The following ZSCAN1 variants were observed in gnomAD, a reference collection of about 807,000 sequenced individuals.
The protein encoded by ZSCAN1 is zinc finger and SCAN domain containing 1, also known as zinc finger and SCAN domain-containing protein 1.
In ZSCAN1, 23 loss-of-function variants were observed where a neutral mutation model predicts 23.8. The observed-to-expected ratio is 0.97, with a 90% CI of 0.70 to 1.37. The LOEUF is 1.37. Among genes scored for constraint, ZSCAN1 ranks in the 40% most tolerant of loss-of-function variants. ZSCAN1 has a pLI of 0.00. For missense variants in ZSCAN1, 575 were observed against 554.0 expected (o/e 1.04, Z -0.38); for synonymous variants, 236 against 232.3 (o/e 1.02, Z -0.15).
chr19:58,046,222 A>G (rs1017983880), intron 4 of ZSCAN1: 2 of 770,262 alleles, frequency 2.6e-6, no homozygotes, highest in African/African-American at 3.4e-5. Context: ...TGCCTGCTCT[A>G]AGCTGCAGGA....
chr19:58,046,305 G>A, intron 4 of ZSCAN1: 1 of 841,180 alleles, frequency 1.2e-6, no homozygotes, highest in Non-Finnish European at 2.1e-6. Flanking sequence ...ACTACAGCGA[G>A]GACTTGCAGG....
At position 58,038,082 on chromosome 19, in the gene ZSCAN1, G is replaced by T; in HGVS notation, c.246G>T (p.Val82=). The T allele has an allele frequency of 1.2e-6, 2 of 1,611,660 alleles. No individual in the cohort carries two copies. The highest frequency in any genetic ancestry group is 1.7e-6 in the Non-Finnish European group (2 of 1,179,834). The part of the protein sequence containing the change: ...RSKEQMLELL[V]LEQFLGALPS... ...AGGAGCAGATGCTGGAGCTGCTGGT[G>T]CTGGAGCAGTTCCTGGGCGCGCTGC... The change falls in exon 3 of 6, where the codon GTG becomes GTT. Residue 82 remains valine, a synonymous_variant. Transcript: ENST00000282326.
rs1599901376 is a variant in ZSCAN1, at chr19:58,040,319, C to A, written c.371-131C>A. ...ATGGAGGGACAGAATGACAGCCCTG[C>A]AGCCACTCTTGCCTGCGCCTCAGGG... On this transcript the variant is annotated intron_variant, in intron 3 of 5. Transcript: ENST00000282326. This position sits in a 1 kb window ranked among gnomAD's most constrained non-coding sequence, Gnocchi z 5.8. The A allele has an allele frequency of 1.1e-6, 1 of 907,568 alleles. No individual in the cohort carries two copies. The highest frequency in any genetic ancestry group is 1.7e-6 in the Non-Finnish European group (1 of 577,570). 56.2% of individuals were successfully genotyped at this position (907,568 alleles called of 1,614,324 possible). A position where few individuals can be genotyped will look rare whatever the true frequency, so the allele number is the denominator to read the frequency against.
At chr19:58,050,961 G>A (rs1434265597) in intron 4 of ZSCAN1, among the ~76,000 whole-genome samples, 1 of 152,170 alleles carries the variant, frequency 6.6e-6, no homozygotes, top group Non-Finnish European at 1.5e-5. Flanking sequence ...GGAAGGATAA[G>A]AACCCAGATC....
chr19:58,053,508 G>T lies in ZSCAN1; in HGVS notation c.684G>T (p.Leu228=). Residue 228 remains leucine, a synonymous_variant, in exon 6 of 6, where the codon CTG becomes CTT. Transcript: ENST00000282326. This position sits in a 1 kb window ranked among gnomAD's most constrained non-coding sequence, Gnocchi z 5.8. The stretch of plus-strand genomic sequence containing the variant: ...TTCTCGCAGGGCCCTCCTCAGACCT[G>T]CGGGCAGAAGGGACTGTGATCTCGA... ...EDLLAGPSSD[L]RAEGTVISSP... is the part of the protein sequence containing the mutation. The T allele has an allele frequency of 1.2e-6, 2 of 1,614,140 alleles. No homozygotes were observed. Among genetic ancestry groups the T allele is most frequent in the Non-Finnish European group, 1.7e-6 (2 of 1,180,034 alleles).
intron 4 of ZSCAN1, chr19:58,046,490 TG>T: frequency 3.4e-6 from 3 of 881,982 alleles, no homozygotes; most frequent in Non-Finnish European, 5.9e-6. Flanking sequence ...GGCGTGCCCA[TG>T]GGGGAGAACG....
At position 58,052,541 on chromosome 19, in the gene ZSCAN1, G is replaced by A; in HGVS notation, c.517G>A (p.Glu173Lys). The A allele has an allele frequency of 6.2e-7, 1 of 1,614,050 alleles. No individual in the cohort carries two copies. Among genetic ancestry groups the A allele is most frequent in the Non-Finnish European group, 8.5e-7 (1 of 1,180,014 alleles). Reference protein sequence around the residue: ...AVAAAPALPEESEWLETTQLQ... With the variant: ...AVAAAPALPEKSEWLETTQLQ... Reference sequence around the variant, plus strand: ...GGCAGCAGCCCCAGCACTCCCCGAGGAAAGTGAGTGGCTGGAGACTACCCA... The same window carrying A: ...GGCAGCAGCCCCAGCACTCCCCGAGAAAAGTGAGTGGCTGGAGACTACCCA... The change falls in exon 5 of 6, where the codon GAA (glutamate) becomes AAA (lysine). Residue 173 changes from glutamate to lysine, a missense_variant. By Grantham distance (56) the Glu-to-Lys change is moderately conservative. Transcript: ENST00000282326.
At chr19:58,046,939 T>C (rs2073830252) in intron 4 of ZSCAN1, among the ~76,000 whole-genome samples, 1 of 152,234 alleles carries the variant, frequency 6.6e-6, no homozygotes, top group East Asian at 1.9e-4. Context: ...AGCTTCAATC[T>C]GTCTGGAGTC....
chr19:58,034,869 G>A (rs1186526060), intron 1 of ZSCAN1, among the ~76,000 whole-genome samples: 1 of 151,066 alleles, frequency 6.6e-6, no homozygotes, highest in African/African-American at 2.4e-5. Flanking sequence ...CCTCCGTGTG[G>A]CATCCTAAGC....
rs148315261 is a variant in ZSCAN1 at position 58,050,766 on chromosome 19, G to A, written c.466-1724G>A. On this transcript the variant is annotated intron_variant, in intron 4 of 5. Coordinates refer to ENST00000282326, the MANE Select transcript of ZSCAN1 (RefSeq NM_182572.4). ...GATATCCTGACCTCTTCATCCTCCC[G>A]CTTCTGCCTCCCAAAGTGCTGGGAT... is the stretch of plus-strand genomic sequence containing the variant. Among the ~76,000 whole-genome samples, 850 of 152,142 alleles carry A rather than the reference G, an allele frequency of 5.6e-3. 11 individuals are homozygous for A. Among genetic ancestry groups the A allele is most frequent in the African/African-American group, 0.02 (816 of 41,536 alleles).
chr19:58,050,719 C>T (rs968046966), intron 4 of ZSCAN1, among the ~76,000 whole-genome samples: 1 of 152,036 alleles, frequency 6.6e-6, no homozygotes. Context: ...TGGGGTTTCA[C>T]CATGTTGGCC....
chr19:58,045,216 C>T lies in ZSCAN1; in HGVS notation c.465+4672C>T. ...CTGTGCCGACCTCTTCCGCCTGGTG[C>T]CGTTCCTCCTGTTCGTGGTGGTGCC... On this transcript the variant is annotated intron_variant, in intron 4 of 5. Transcript: ENST00000282326. This position sits in a 1 kb window ranked among gnomAD's most constrained non-coding sequence, Gnocchi z 4.3. 1 of 839,476 alleles carries T rather than the reference C, an allele frequency of 1.2e-6. No individual in the cohort carries two copies. Among genetic ancestry groups the T allele is most frequent in the Non-Finnish European group, 2.1e-6 (1 of 474,196 alleles). The allele number at this position is 839,476 out of a possible 1,614,324, so 52.0% of individuals were successfully genotyped here.
chr19:58,055,989 G>A (rs1005473000), downstream of ZSCAN1, among the ~76,000 whole-genome samples: 1 of 152,152 alleles, frequency 6.6e-6, no homozygotes. Context: ...CCCCTCAGAG[G>A]GACCACCACC....
chr19:58,049,559 G>A lies in ZSCAN1; in HGVS notation c.466-2931G>A, dbSNP rs766049850. Reference sequence around the variant, plus strand: ...TGGAAGAGAGTCATTATAATTTTACGAGATCACTGTGGTGTGTGTGGTCCA... The same window carrying A: ...TGGAAGAGAGTCATTATAATTTTACAAGATCACTGTGGTGTGTGTGGTCCA... On this transcript the variant is annotated intron_variant, in intron 4 of 5. Coordinates refer to ENST00000282326, the MANE Select transcript of ZSCAN1 (RefSeq NM_182572.4). The surrounding 1 kb of genome is among the most constrained non-coding windows in gnomAD (Gnocchi z 4.5). Among the ~76,000 whole-genome samples the A allele has an allele frequency of 6.6e-6, 1 of 152,154 alleles. No homozygotes were observed. Among genetic ancestry groups the A allele is most frequent in the Non-Finnish European group, 1.5e-5 (1 of 68,032 alleles).
downstream of ZSCAN1, among the ~76,000 whole-genome samples, chr19:58,056,489 G>A (rs574091073): frequency 6.6e-6 from 1 of 152,350 alleles, no homozygotes; most frequent in East Asian, 1.9e-4. Context: ...CACCATTGTG[G>A]GCTGCAGTTT....
downstream of ZSCAN1, among the ~76,000 whole-genome samples, chr19:58,055,844 G>A (rs1426441594): frequency 6.6e-6 from 1 of 151,658 alleles, no homozygotes; most frequent in Non-Finnish European, 1.5e-5. Context: ...ACCTGGGCTG[G>A]CCCCAGAGAC....
chr19:58,046,340 CTGG>C (rs2073825922), intron 4 of ZSCAN1: 1 of 920,118 alleles, frequency 1.1e-6, no homozygotes, highest in Non-Finnish European at 1.8e-6. Context: ...CTTTCAAAGA[CTGG>C]TGAAGAAAAA....
Position 58,052,624 on chromosome 19 carries a change from G to C in ZSCAN1, c.600G>C (p.Leu200Phe). The change falls in exon 5 of 6, where the codon TTG becomes TTC. Residue 200 changes from leucine to phenylalanine, a missense_variant. Coordinates refer to ENST00000282326, the MANE Select transcript of ZSCAN1 (RefSeq NM_182572.4). ...AEAEAPRAPG[L>F]LGSRARLPLK... Reference sequence around the variant, plus strand: ...CCGAAGCGCCCCGCGCCCCTGGCTTGCTGGGTGAGTCTGGCTCCTGTGTGG... The same window carrying C: ...CCGAAGCGCCCCGCGCCCCTGGCTTCCTGGGTGAGTCTGGCTCCTGTGTGG... 1 of 1,598,464 alleles carries C rather than the reference G, an allele frequency of 6.3e-7. No homozygotes were observed. Among genetic ancestry groups the C allele is most frequent in the Non-Finnish European group, 8.5e-7 (1 of 1,171,760 alleles).
intron 4 of ZSCAN1, among the ~76,000 whole-genome samples, chr19:58,041,107 C>T (rs1023145734): frequency 3.3e-5 from 5 of 152,216 alleles, no homozygotes; most frequent in African/African-American, 1.2e-4. Flanking sequence ...CACAAAAGAA[C>T]AAAAGTAAGA....
Sources: allele counts gnomAD v4.1 joint callset (sites outside exome capture counted in the v4.1 genomes callset), GRCh38; gene constraint gnomAD v4.1.1; non-coding constraint Gnocchi (gnomAD v3.1); transcripts MANE v1.5; gene names NCBI Gene and HGNC (gene_info 2026-07-23, HGNC 2026-07-21).